IL1RAPL1: variants seen among roughly 807,000 people sequenced by gnomAD.
IL1RAPL1 encodes the protein interleukin-1 receptor accessory protein-like 1.
IL1RAPL1 carries 3 observed loss-of-function variants against 48.4 expected under a neutral mutation model. That is an observed-to-expected ratio of 0.06 (90% CI 0.03 to 0.16). IL1RAPL1 has a LOEUF of 0.16. IL1RAPL1 is among the 10% of genes least tolerant of loss of function. IL1RAPL1 has a pLI of 1.00. For missense variants in IL1RAPL1, 349 were observed against 530.6 expected (o/e 0.66, Z 3.36); for synonymous variants, 185 against 187.7 (o/e 0.99, Z 0.12).
chrX:29,097,304 A>G (rs924657718), intron 2 of IL1RAPL1, among the ~76,000 whole-genome samples: 2 of 111,725 alleles, frequency 1.8e-5, no homozygotes, highest in Non-Finnish European at 3.8e-5. Context: ...TTTGTTTAAC[A>G]TTTCTTTTAT....
chrX:29,220,859 A>C (rs1268714590), intron 2 of IL1RAPL1, among the ~76,000 whole-genome samples: 1 of 112,023 alleles, frequency 8.9e-6, no homozygotes, highest in Non-Finnish European at 1.9e-5. Context: ...CCACTGCTAG[A>C]CATTCTGCAT....
chrX:29,038,800 G>T (rs1234938001), intron 2 of IL1RAPL1, among the ~76,000 whole-genome samples: 1 of 110,213 alleles, frequency 9.1e-6, no homozygotes, highest in Admixed American at 9.7e-5. Flanking sequence ...TTTCTTCTAG[G>T]GTCAAGACCT....
intron 3 of IL1RAPL1, 51 bp from the exon 4 acceptor site, chrX:29,396,207 A>T (rs1933917206): frequency 9.8e-7 from 1 of 1,019,158 alleles, no homozygotes. Context: ...CCTTGGCAGC[A>T]CTTGCTTTTT....
chrX:29,100,427 G>A (rs763139180), intron 2 of IL1RAPL1, among the ~76,000 whole-genome samples: 1 of 111,098 alleles, frequency 9.0e-6, no homozygotes, highest in East Asian at 2.8e-4. Context: ...CTTGAACATG[G>A]TATGATCAGT....
At chrX:29,224,811 G>A (rs773115760) in intron 2 of IL1RAPL1, among the ~76,000 whole-genome samples, 66 of 111,814 alleles carry the variant, frequency 5.9e-4, no homozygotes, top group African/African-American at 2.1e-3. Flanking sequence ...TACTGTAAAG[G>A]CAAGTTATCA....
intron 5 of IL1RAPL1, among the ~76,000 whole-genome samples, chrX:29,637,085 G>C (rs1924993530): frequency 9.3e-6 from 1 of 107,991 alleles, no homozygotes; most frequent in Admixed American, 1.0e-4. Context: ...GGAACAGTCT[G>C]TCAAAAGGAA....
At chrX:29,873,568 CAG>C (rs1489869755) in intron 6 of IL1RAPL1, among the ~76,000 whole-genome samples, 5 of 111,735 alleles carry the variant, frequency 4.5e-5, no homozygotes, top group African/African-American at 1.6e-4. Flanking sequence ...ATCCGTGAAG[CAG>C]AGAGCTCACG....
intron 2 of IL1RAPL1, among the ~76,000 whole-genome samples, chrX:29,213,931 T>G (rs1930818261): frequency 9.0e-6 from 1 of 111,558 alleles, no homozygotes; most frequent in South Asian, 3.8e-4. Context: ...CCAACAGGAA[T>G]AGAAGCTCCA....
intron 5 of IL1RAPL1, among the ~76,000 whole-genome samples, chrX:29,576,165 G>A (rs1922768012): frequency 9.0e-6 from 1 of 111,431 alleles, no homozygotes; most frequent in Non-Finnish European, 1.9e-5. Context: ...GAGTCACTTG[G>A]GATACAGATT....
At chrX:29,639,477 C>T (rs1220958322) in intron 5 of IL1RAPL1, among the ~76,000 whole-genome samples, 1 of 109,366 alleles carries the variant, frequency 9.1e-6, no homozygotes, top group African/African-American at 3.3e-5. Flanking sequence ...CCCTTCCACA[C>T]ATACATACAA....
chrX:28,907,889 T>C (rs1923260682), intron 2 of IL1RAPL1, among the ~76,000 whole-genome samples: 1 of 112,053 alleles, frequency 8.9e-6, no homozygotes, highest in Non-Finnish European at 1.9e-5. Flanking sequence ...TCTTAGAAGG[T>C]TATTAGTAAT....
intron 2 of IL1RAPL1, among the ~76,000 whole-genome samples, chrX:29,236,726 A>AT (rs386416818): frequency 0.47 from 41,323 of 87,038 alleles, 9,040 homozygotes; most frequent in Non-Finnish European, 0.59. Context: ...CGCCTGGCTA[A>AT]TTTTTTTTTT....
chrX:29,599,096 G>A (rs1366426440), intron 5 of IL1RAPL1, among the ~76,000 whole-genome samples: 1 of 111,906 alleles, frequency 8.9e-6, no homozygotes, highest in Non-Finnish European at 1.9e-5. Context: ...TGAATAGCTT[G>A]TGTTTTCTTT....
intron 2 of IL1RAPL1, among the ~76,000 whole-genome samples, chrX:28,790,790 A>C (rs186461226): frequency 8.9e-6 from 1 of 112,261 alleles, no homozygotes; most frequent in Non-Finnish European, 1.9e-5. Context: ...GGGAAATAAC[A>C]TATATCTTGA....
At chrX:29,756,307 A>G (rs1487475199) in intron 6 of IL1RAPL1, among the ~76,000 whole-genome samples, 4 of 112,389 alleles carry the variant, frequency 3.6e-5, no homozygotes. Context: ...CAGATTTTTA[A>G]TAATGATTAT....
chrX:29,790,413 T>G (rs2147162096), intron 6 of IL1RAPL1, among the ~76,000 whole-genome samples: 1 of 112,108 alleles, frequency 8.9e-6, no homozygotes. Flanking sequence ...ATCTTGAATC[T>G]TTATAGTTTA....
intron 6 of IL1RAPL1, among the ~76,000 whole-genome samples, chrX:29,786,559 T>G (rs1174883638): frequency 8.9e-6 from 1 of 111,973 alleles, no homozygotes; most frequent in Non-Finnish European, 1.9e-5. Flanking sequence ...AGTTTCAAGT[T>G]CGAGAGTTGC....
At chrX:29,725,560 C>T (rs1423558992) in intron 6 of IL1RAPL1, among the ~76,000 whole-genome samples, 2 of 111,400 alleles carry the variant, frequency 1.8e-5, no homozygotes, top group Non-Finnish European at 3.8e-5. Context: ...GGAATGTCTC[C>T]AGACTCCCAA....
intron 6 of IL1RAPL1, among the ~76,000 whole-genome samples, chrX:29,873,336 A>T (rs1931836046): frequency 9.0e-6 from 1 of 111,060 alleles, no homozygotes; most frequent in South Asian, 3.9e-4. Context: ...TGTGCCCCAA[A>T]ATCCACAATT....
Sources: gnomAD v4.1 joint callset for allele counts (sites outside exome capture counted in the v4.1 genomes callset) on GRCh38, gnomAD v4.1.1 for gene constraint, MANE v1.5 for transcripts, NCBI Gene and HGNC (gene_info 2026-07-23, HGNC 2026-07-21) for gene names.